The following ITPRID1 variants were observed in gnomAD, a reference collection of about 807,000 sequenced individuals.
The protein encoded by ITPRID1 is ITPR interacting domain containing 1.
In ITPRID1, 96 loss-of-function variants were observed where a neutral mutation model predicts 95.4. The ratio of observed to expected loss-of-function variants is 1.01; its 90% CI spans 0.85 to 1.19. The LOEUF (loss-of-function observed/expected upper bound fraction) is 1.19. Ranked by LOEUF, ITPRID1 falls within the 50% of genes most tolerant of loss-of-function variation. The pLI, the probability that ITPRID1 is intolerant of heterozygous loss-of-function variation, is 0.00. For synonymous variants in ITPRID1, 510 were observed against 453.6 expected (o/e 1.12, Z -1.58); for missense variants, 1,339 against 1,252.9 (o/e 1.07, Z -1.04).
chr7:31,525,391 G>C (rs941224199), intron 1 of ITPRID1, among the ~76,000 whole-genome samples: 5 of 152,120 alleles, frequency 3.3e-5, no homozygotes, highest in African/African-American at 4.8e-5. Flanking sequence ...CCAGATACTA[G>C]TAGCATTCTC....
chr7:31,574,503 T>C (rs767450458), intron 7 of ITPRID1, 37 bp from the exon 8 acceptor site: 1 of 1,588,404 alleles, frequency 6.3e-7, no homozygotes, highest in Non-Finnish European at 8.6e-7. Flanking sequence ...TTGGGTTAAC[T>C]GTTTCTGGAT....
intron 1 of ITPRID1, among the ~76,000 whole-genome samples, chr7:31,548,024 T>A (rs1703402755): frequency 6.6e-6 from 1 of 151,890 alleles, no homozygotes; most frequent in South Asian, 2.1e-4. Context: ...ATGGGTCACA[T>A]TAGAGTGTAT....
chr7:31,530,470 T>C (rs1783560663), intron 1 of ITPRID1, among the ~76,000 whole-genome samples: 1 of 152,146 alleles, frequency 6.6e-6, no homozygotes, highest in Non-Finnish European at 1.5e-5. Flanking sequence ...CAATAGCGTA[T>C]CTGGGGGGTA....
chr7:31,602,616 T>G (rs1786442109), intron 10 of ITPRID1, among the ~76,000 whole-genome samples: 2 of 152,016 alleles, frequency 1.3e-5, no homozygotes, highest in African/African-American at 4.8e-5. Context: ...AAGCTTGCAC[T>G]GGGGGAAAAA....
chr7:31,624,688 T>A (rs1256684423), intron 10 of ITPRID1, among the ~76,000 whole-genome samples: 2 of 150,120 alleles, frequency 1.3e-5, no homozygotes, highest in African/African-American at 4.9e-5. Flanking sequence ...AACCTAGGCA[T>A]TACCATTCAG....
At chr7:31,578,824 T>C (rs1583524808) in intron 9 of ITPRID1, among the ~76,000 whole-genome samples, 1 of 152,228 alleles carries the variant, frequency 6.6e-6, no homozygotes, top group South Asian at 2.1e-4. Context: ...CCACTTCTCC[T>C]CTGTGTTCTC....
intron 10 of ITPRID1, among the ~76,000 whole-genome samples, chr7:31,611,676 A>G: frequency 6.6e-6 from 1 of 151,890 alleles, no homozygotes; most frequent in East Asian, 1.9e-4. Flanking sequence ...CAATGCTTTG[A>G]ATGTCATCCT....
At chr7:31,617,146 T>G (rs939070626) in intron 10 of ITPRID1, among the ~76,000 whole-genome samples, 3 of 152,230 alleles carry the variant, frequency 2.0e-5, no homozygotes, top group Non-Finnish European at 4.4e-5. Flanking sequence ...GTTCAGTTTT[T>G]GAAGCATTTG....
intron 10 of ITPRID1, among the ~76,000 whole-genome samples, chr7:31,636,884 C>G (rs1317297891): frequency 8.7e-6 from 1 of 115,224 alleles, no homozygotes; most frequent in Non-Finnish European, 1.8e-5. Flanking sequence ...CCCCCTCCCC[C>G]CTCCCCCCAC....
intron 1 of ITPRID1, among the ~76,000 whole-genome samples, chr7:31,524,057 A>G (rs551887303): frequency 8.7e-4 from 133 of 152,334 alleles, no homozygotes; most frequent in Admixed American, 2.8e-3. Flanking sequence ...GGAAGAAAAT[A>G]CTACAGGGGA....
chr7:31,615,854 C>T (rs890953776), intron 10 of ITPRID1, among the ~76,000 whole-genome samples: 27 of 151,600 alleles, frequency 1.8e-4, no homozygotes, highest in African/African-American at 5.3e-4. Context: ...CCTGGGTTCA[C>T]GCCAATCTCC....
chr7:31,549,646 T>C lies in ITPRID1; in HGVS notation c.-24+147T>C, dbSNP rs998325210. 5.7e-5 allele frequency: 31 copies of C among 539,222 alleles called. 1 individual carries two copies. In the African/African-American group the frequency reaches 5.9e-4, roughly 10 times the overall value. The allele number at this position is 539,222 out of a possible 1,614,324, so 33.4% of individuals were successfully genotyped here. On this transcript the variant is annotated intron_variant, in intron 2 of 14. Transcript: ENST00000615280. ...TGTCAGAAAGCAGCAGAGCTGATAT[T>C]AAAATCCAGAGTTATCTGACCTGAA... is the stretch of plus-strand genomic sequence containing the variant.
At chr7:31,622,565 T>C (rs577814304) in intron 10 of ITPRID1, among the ~76,000 whole-genome samples, 84 of 151,578 alleles carry the variant, frequency 5.5e-4, no homozygotes, top group African/African-American at 2.2e-4. Flanking sequence ...CCAACGAGAA[T>C]AAAGACACAA....
intron 10 of ITPRID1, among the ~76,000 whole-genome samples, chr7:31,620,049 TGGGGGAGG>T (rs1266143308): frequency 1.3e-5 from 2 of 152,056 alleles, no homozygotes; most frequent in East Asian, 3.9e-4. Flanking sequence ...GCAGCGAGGC[TGGGGGAGG>T]GGTGCCCGCC....
At chr7:31,527,998 C>T (rs1454728798) in intron 1 of ITPRID1, among the ~76,000 whole-genome samples, 5 of 152,204 alleles carry the variant, frequency 3.3e-5, no homozygotes, top group East Asian at 3.9e-4. Context: ...TAACACAACA[C>T]ATTAATTTTC....
chr7:31,532,973 A>C (rs1208231593), intron 1 of ITPRID1, among the ~76,000 whole-genome samples: 1 of 152,176 alleles, frequency 6.6e-6, no homozygotes, highest in Admixed American at 6.5e-5. Flanking sequence ...CTGGTCTATA[A>C]TTTGTTTTCT....
In ITPRID1 at chr7:31,642,716, A is replaced by G. The variant is rs761277837; in HGVS notation, c.1346A>G (p.Glu449Gly). The change falls in exon 12 of 15, where the codon GAG becomes GGG. Residue 449 changes from glutamate to glycine, a missense_variant. By Grantham distance (98) the Glu-to-Gly change is moderately conservative (BLOSUM62 -2). Transcript: ENST00000615280. ...TTGCCAAACAGCCAGAGTCCTGCTG[A>G]GAATGGAGGTAGAAAGCCAAGAGAT... is the stretch of plus-strand genomic sequence containing the variant. ...PSLPNSQSPA[E>G]NGGRKPRDQS... is the part of the protein sequence containing the mutation. 4 of 1,613,942 alleles carry G rather than the reference A, an allele frequency of 2.5e-6. No individual in the cohort carries two copies. In the South Asian group the frequency reaches 4.4e-5, roughly 18 times the overall value.
intron 10 of ITPRID1, among the ~76,000 whole-genome samples, chr7:31,637,747 C>G (rs1440013757): frequency 1.3e-5 from 2 of 152,144 alleles, no homozygotes; most frequent in African/African-American, 4.8e-5. Flanking sequence ...TTGATTAGAT[C>G]CCATTTGTCA....
intron 1 of ITPRID1, among the ~76,000 whole-genome samples, chr7:31,530,499 C>T (rs191413884): frequency 3.4e-4 from 51 of 152,134 alleles, no homozygotes; most frequent in African/African-American, 1.1e-3. Context: ...TCCCAAATAA[C>T]GGGGCACAGT....
Sources: gnomAD v4.1 joint callset for allele counts (sites outside exome capture counted in the v4.1 genomes callset) on GRCh38, gnomAD v4.1.1 for gene constraint, MANE v1.5 for transcripts, NCBI Gene and HGNC (gene_info 2026-07-23, HGNC 2026-07-21) for gene names.